Variants in ATCAY observed in about 807,000 individuals in gnomAD.
ATCAY encodes ATCAY kinesin light chain interacting caytaxin.
In ATCAY, 22 loss-of-function variants were observed where a neutral mutation model predicts 47.7. The observed-to-expected ratio is 0.46, with a 90% CI of 0.33 to 0.66. The LOEUF (loss-of-function observed/expected upper bound fraction) is 0.66. ATCAY is among the 30% of genes least tolerant of loss of function. ATCAY has a pLI of 0.02. For synonymous variants in ATCAY, 216 were observed against 207.6 expected, an observed-to-expected ratio of 1.04 and a Z score of -0.35; for missense variants, 452 against 515.0, an observed-to-expected ratio of 0.88 and a Z score of 1.18.
At position 3,908,156 on chromosome 19, in the gene ATCAY, G is replaced by A. The variant is rs564240765; in HGVS notation, c.545-112G>A. On this transcript the variant is annotated intron_variant, in intron 5 of 12. Coordinates refer to ENST00000450849, the MANE Select transcript of ATCAY (RefSeq NM_033064.5). ...AAGGGGTCGCCGGCTGCTGTGGCTC[G>A]GAGCCATGCCCTCCCGAGCGTGTGG... is the stretch of plus-strand genomic sequence containing the variant. 252 of 1,084,310 alleles carry A rather than the reference G, an allele frequency of 2.3e-4. 1 individual carries two copies. The highest frequency in any genetic ancestry group is 6.0e-4 in the South Asian group (41 of 68,232). The allele number at this position is 1,084,310 out of a possible 1,614,324, so 67.2% of individuals were successfully genotyped here. A position where few individuals can be genotyped will look rare whatever the true frequency, so the allele number is the denominator to read the frequency against.
chr19:3,924,551 C>T, intron 12 of ATCAY, 32 bp from the exon 13 acceptor site: 1 of 1,613,614 alleles, frequency 6.2e-7, no homozygotes, highest in Non-Finnish European at 8.5e-7. Context: ...ACATTAACAG[C>T]AATAACTTGG....
intron 7 of ATCAY, among the ~76,000 whole-genome samples, chr19:3,909,950 G>T (rs937473970): frequency 2.6e-5 from 4 of 152,122 alleles, no homozygotes; most frequent in African/African-American, 9.7e-5. Context: ...TTAGCTGGGC[G>T]TGGTGGCGCA....
At chr19:3,902,422 C>G in intron 2 of ATCAY, 65 bp from the exon 3 acceptor site, 1 of 1,497,752 alleles carries the variant, frequency 6.7e-7, no homozygotes. Flanking sequence ...CTGGGCCACT[C>G]CACTGTCCTC....
chr19:3,911,220 G>A (rs1469271850), intron 8 of ATCAY, among the ~76,000 whole-genome samples: 1 of 152,114 alleles, frequency 6.6e-6, no homozygotes, highest in Non-Finnish European at 1.5e-5. Flanking sequence ...ACAAAAATTA[G>A]CAGGACGTGG....
chr19:3,890,038 G>A (rs1296897558), intron 2 of ATCAY, among the ~76,000 whole-genome samples: 1 of 150,644 alleles, frequency 6.6e-6, no homozygotes, highest in African/African-American at 2.4e-5. Context: ...TCCACCTCCT[G>A]GGTTCAAGTG....
chr19:3,927,411 C>T lies in ATCAY; in HGVS notation c.*2819C>T, dbSNP rs1465123973. The T allele has an allele frequency of 1.3e-5, 2 of 152,174 alleles. No homozygotes were observed. The highest frequency in any genetic ancestry group is 6.6e-5 in the Admixed American group (1 of 15,256). 9.4% of individuals were successfully genotyped at this position (152,174 alleles called of 1,614,324 possible). ...CTTAACCGTCATGGAAGACTGGGGC[C>T]GCTTCCAAGTCACAGACAGGAGACG... On this transcript the variant is annotated 3_prime_UTR_variant, in exon 13 of 13. Transcript: ENST00000450849.
intron 1 of ATCAY, among the ~76,000 whole-genome samples, chr19:3,883,935 C>G (rs1265668929): frequency 2.0e-5 from 3 of 152,086 alleles, no homozygotes; most frequent in Admixed American, 2.0e-4. Flanking sequence ...TCCTGGCCCC[C>G]ACCCAGACTG....
At chr19:3,895,083 T>C (rs894873166) in intron 2 of ATCAY, 1 of 455,592 alleles carries the variant, frequency 2.2e-6, no homozygotes, top group African/African-American at 2.0e-5. Context: ...TCTGCCTTGT[T>C]CACTTATTTG....
rs988455036 is a variant in ATCAY, at chr19:3,922,062, T to A, written c.1106+1264T>A. On this transcript the variant is annotated intron_variant, in intron 12 of 12. Transcript: ENST00000450849. Reference sequence around the variant, plus strand: ...ATGTGTGGCAAAACACACAAAGTGCTGCCAACTAGAGAAGCTGACCCAAGC... The same window carrying A: ...ATGTGTGGCAAAACACACAAAGTGCAGCCAACTAGAGAAGCTGACCCAAGC... 4 of 675,032 alleles carry A rather than the reference T, an allele frequency of 5.9e-6. No homozygotes were observed. In the African/African-American group the frequency reaches 7.1e-5, roughly 12 times the overall value. The allele number at this position is 675,032 out of a possible 1,614,324, so 41.8% of individuals were successfully genotyped here.
At chr19:3,900,959 T>A (rs1225406278) in intron 2 of ATCAY, among the ~76,000 whole-genome samples, 1 of 142,674 alleles carries the variant, frequency 7.0e-6, no homozygotes, top group Non-Finnish European at 1.5e-5. Context: ...TGGAGTGCAG[T>A]GGCACGATCT....
At chr19:3,914,461 A>T (rs1170336086) in intron 9 of ATCAY, among the ~76,000 whole-genome samples, 1 of 151,992 alleles carries the variant, frequency 6.6e-6, no homozygotes, top group Non-Finnish European at 1.5e-5. Flanking sequence ...ACCTCCCACC[A>T]GGTCACTCCC....
chr19:3,906,550 A>G (rs891355552), intron 4 of ATCAY, among the ~76,000 whole-genome samples: 3 of 151,682 alleles, frequency 2.0e-5, no homozygotes, highest in African/African-American at 4.8e-5. Flanking sequence ...TGATACACCC[A>G]CCTCGGCCTC....
chr19:3,918,936 C>T, intron 11 of ATCAY, 59 bp downstream of exon 11: 1 of 1,583,190 alleles, frequency 6.3e-7, no homozygotes, highest in Non-Finnish European at 8.7e-7. Context: ...TGCCTACTCC[C>T]TTGGGGGAGG....
intron 2 of ATCAY, among the ~76,000 whole-genome samples, chr19:3,890,364 G>T (rs1451837276): frequency 7.3e-6 from 1 of 137,140 alleles, no homozygotes; most frequent in African/African-American, 2.8e-5. Context: ...CCGGGTTCAA[G>T]CAATTCTCCC....
At chr19:3,895,395 A>G (rs1413366786) in intron 2 of ATCAY, among the ~76,000 whole-genome samples, 1 of 151,870 alleles carries the variant, frequency 6.6e-6, no homozygotes, top group Admixed American at 6.6e-5. Flanking sequence ...TTGTATTTTT[A>G]GTAGAGATGG....
intron 12 of ATCAY, among the ~76,000 whole-genome samples, chr19:3,921,906 A>C (rs992155356): frequency 6.6e-6 from 1 of 151,724 alleles, no homozygotes; most frequent in Non-Finnish European, 1.5e-5. Context: ...AAAAAAAAAA[A>C]AACAAAAAAA....
intron 4 of ATCAY, among the ~76,000 whole-genome samples, chr19:3,906,297 T>A (rs1446826862): frequency 1.3e-5 from 2 of 149,548 alleles, no homozygotes; most frequent in Non-Finnish European, 3.0e-5. Context: ...CATCCGCTCC[T>A]GCGACTGTTT....
intron 9 of ATCAY, among the ~76,000 whole-genome samples, chr19:3,917,137 T>A (rs1230187932): frequency 1.3e-5 from 2 of 151,866 alleles, no homozygotes; most frequent in Non-Finnish European, 2.9e-5. Context: ...CAAAAATGCA[T>A]CTATGGGCCA....
At chr19:3,911,866 C>T (rs569398952) in intron 8 of ATCAY, among the ~76,000 whole-genome samples, 2 of 152,132 alleles carry the variant, frequency 1.3e-5, no homozygotes, top group Non-Finnish European at 2.9e-5. Context: ...GCCCGATTTT[C>T]AAGGAAGACT....
Sources: gnomAD v4.1 joint callset for allele counts (sites outside exome capture counted in the v4.1 genomes callset) on GRCh38, gnomAD v4.1.1 for gene constraint, MANE v1.5 for transcripts, NCBI Gene and HGNC (gene_info 2026-07-23, HGNC 2026-07-21) for gene names.